The following SORBS2 variants were observed in gnomAD, a reference collection of about 807,000 sequenced individuals.
The protein encoded by SORBS2 is sorbin and SH3 domain-containing protein 2.
In SORBS2, 46 loss-of-function variants were observed where a neutral mutation model predicts 97.7. That is an observed-to-expected ratio of 0.47 (90% CI 0.37 to 0.60). The LOEUF (loss-of-function observed/expected upper bound fraction) is 0.60, where lower values mean the gene tolerates loss of function less well. Ranked by LOEUF, SORBS2 falls within the 20% of genes least tolerant of loss-of-function variation. The probability of loss-of-function intolerance (pLI) is 0.00; values close to 1 mark genes in which losing one functional copy is unlikely to be tolerated. For synonymous variants in SORBS2, 476 were observed against 473.4 expected, an observed-to-expected ratio of 1.01 and a Z score of -0.07; for missense variants, 1,316 against 1,282.3, an observed-to-expected ratio of 1.03 and a Z score of -0.40.
intron 2 of SORBS2, among the ~76,000 whole-genome samples, chr4:185,731,739 C>T (rs1177940373): frequency 1.1e-5 from 1 of 88,940 alleles, no homozygotes; most frequent in African/African-American, 4.2e-5. Flanking sequence ...TGTCTCTCTC[C>T]CTCCCTCCCT....
chr4:185,916,013 T>C (rs934975334), intron 1 of SORBS2, among the ~76,000 whole-genome samples: 3 of 151,956 alleles, frequency 2.0e-5, no homozygotes, highest in Non-Finnish European at 2.9e-5. Flanking sequence ...TGAACTTGTA[T>C]AGGAAGAAAG....
intron 1 of SORBS2, among the ~76,000 whole-genome samples, chr4:185,908,126 G>A (rs181076465): frequency 6.6e-6 from 1 of 151,482 alleles, no homozygotes; most frequent in African/African-American, 2.4e-5. Flanking sequence ...TCTTCTTCTT[G>A]ATGAGCTGCT....
chr4:185,709,699 A>C (rs1473354054), intron 2 of SORBS2, among the ~76,000 whole-genome samples: 1 of 151,924 alleles, frequency 6.6e-6, no homozygotes, highest in African/African-American at 2.4e-5. Context: ...TTGCTTTTTG[A>C]AGTTGAGTTC....
chr4:185,725,551 C>T (rs920395624), intron 2 of SORBS2, among the ~76,000 whole-genome samples: 4 of 152,118 alleles, frequency 2.6e-5, no homozygotes, highest in Non-Finnish European at 5.9e-5. Context: ...GCAAGAACCC[C>T]AAGTAATTAA....
chr4:185,628,207 A>G (rs935917617), intron 5 of SORBS2, among the ~76,000 whole-genome samples: 6 of 152,104 alleles, frequency 3.9e-5, no homozygotes, highest in African/African-American at 1.4e-4. Context: ...AAATTCTCCT[A>G]TAGTGTAATA....
At chr4:185,724,347 CA>C (rs2098540435) in intron 2 of SORBS2, among the ~76,000 whole-genome samples, 1 of 148,620 alleles carries the variant, frequency 6.7e-6, no homozygotes, top group African/African-American at 2.5e-5. Context: ...AAAAAAAAGA[CA>C]AAAGGATGAG....
At chr4:185,774,533 G>T (rs557565658) in intron 2 of SORBS2, 1 of 152,168 alleles carries the variant, frequency 6.6e-6, no homozygotes, top group Non-Finnish European at 1.5e-5. Flanking sequence ...AAGTGCAAGC[G>T]TAACGAGGGG....
rs570286090 is a variant in SORBS2, at chr4:185,839,493, A to G, written c.-337-64127T>C. On this transcript the variant is annotated intron_variant, in intron 1 of 20. Coordinates refer to the SORBS2 transcript ENST00000284776. The stretch of plus-strand genomic sequence containing the variant: ...AGGGATCTTTTCTGCTGCATTTACA[A>G]CATCCACGTATTCTGCAGTCAGAGT... Among the ~76,000 whole-genome samples, 4 of 152,300 alleles carry G rather than the reference A, an allele frequency of 2.6e-5. No homozygotes were observed. The East Asian group carries it at 7.7e-4, about 29-fold the overall frequency.
intron 9 of SORBS2, among the ~76,000 whole-genome samples, chr4:185,617,732 T>A (rs1022447496): frequency 4.6e-5 from 7 of 152,092 alleles, no homozygotes; most frequent in Non-Finnish European, 1.0e-4. Flanking sequence ...GAGCAAAGAA[T>A]AAAGGCAAAA....
chr4:185,948,481 C>G (rs2099275606), intron 1 of SORBS2, among the ~76,000 whole-genome samples: 1 of 147,014 alleles, frequency 6.8e-6, no homozygotes, highest in African/African-American at 2.5e-5. Flanking sequence ...GAAGACAGTA[C>G]ATTGTGATTA....
chr4:185,903,027 C>T (rs1348998818), intron 1 of SORBS2, among the ~76,000 whole-genome samples: 1 of 152,160 alleles, frequency 6.6e-6, no homozygotes, highest in East Asian at 1.9e-4. Flanking sequence ...GCACTGATTC[C>T]ATGGGGTGCT....
At chr4:185,732,685 A>G (rs547656211) in intron 2 of SORBS2, among the ~76,000 whole-genome samples, 1 of 152,350 alleles carries the variant, frequency 6.6e-6, no homozygotes, top group East Asian at 1.9e-4. Flanking sequence ...CTTCTTGCTT[A>G]GAGATGACCC....
intron 2 of SORBS2, among the ~76,000 whole-genome samples, chr4:185,769,429 T>G (rs924327391): frequency 6.6e-6 from 1 of 152,254 alleles, no homozygotes; most frequent in African/African-American, 2.4e-5. Context: ...TGAATTTATT[T>G]GCTACCAATA....
At chr4:185,639,352 G>A (rs780034689) in intron 4 of SORBS2, among the ~76,000 whole-genome samples, 32 of 152,298 alleles carry the variant, frequency 2.1e-4, no homozygotes, top group Non-Finnish European at 4.0e-4. Context: ...TGGTTTCCTC[G>A]ATGTTCTAAT....
chr4:185,666,007 T>G (rs934242408), intron 4 of SORBS2: 5 of 1,288,262 alleles, frequency 3.9e-6, no homozygotes, highest in Non-Finnish European at 5.1e-6. Flanking sequence ...CTGGGGATTA[T>G]GCAGGCGTGA....
At chr4:185,836,407 A>G (rs1195422585) in intron 1 of SORBS2, among the ~76,000 whole-genome samples, 3 of 152,264 alleles carry the variant, frequency 2.0e-5, no homozygotes, top group Non-Finnish European at 4.4e-5. Flanking sequence ...CAGGTGGGAC[A>G]CAGACAAAGA....
intron 2 of SORBS2, among the ~76,000 whole-genome samples, chr4:185,735,442 CT>C (rs535514081): frequency 2.0e-4 from 29 of 148,064 alleles, no homozygotes; most frequent in Middle Eastern, 3.5e-3. Flanking sequence ...GGTAGGAAAG[CT>C]TTTTTTTCTA....
chr4:185,892,163 C>T (rs756868702), intron 1 of SORBS2, among the ~76,000 whole-genome samples: 1 of 152,124 alleles, frequency 6.6e-6, no homozygotes, highest in Non-Finnish European at 1.5e-5. Context: ...CCTGCTTATA[C>T]TAGAAATCTT....
intron 2 of SORBS2, among the ~76,000 whole-genome samples, chr4:185,680,271 T>C (rs1242073922): frequency 6.6e-6 from 1 of 152,188 alleles, no homozygotes; most frequent in African/African-American, 2.4e-5. Context: ...AGTCTGTTGG[T>C]TAGCTGGGAC....
Sources: allele counts gnomAD v4.1 joint callset (sites outside exome capture counted in the v4.1 genomes callset), GRCh38; gene constraint gnomAD v4.1.1; transcripts MANE v1.5; gene names NCBI Gene and HGNC (gene_info 2026-07-23, HGNC 2026-07-21).